IFT56: variants seen among roughly 807,000 people sequenced by gnomAD.
IFT56 encodes the protein intraflagellar transport 56, also known as intraflagellar transport protein 56.
At chr7:139,165,378 G>T in the IFT56 span, 1 of 573,986 alleles carries the variant, frequency 1.7e-6, no homozygotes, top group South Asian at 2.5e-5. Flanking sequence ...GTTTATTGGT[G>T]GTTATTTGTT....
chr7:139,180,243 A>G, the IFT56 span, among the ~76,000 whole-genome samples: 6 of 152,188 alleles, frequency 3.9e-5, no homozygotes, highest in Non-Finnish European at 8.8e-5. Context: ...AGGCTGAGAT[A>G]GGAAAATGGC....
At chr7:139,189,655 G>A in the IFT56 span, 12 of 329,784 alleles carry the variant, frequency 3.6e-5, no homozygotes, top group Non-Finnish European at 5.6e-5. Flanking sequence ...ATAAGATTTT[G>A]GACTTATCTG....
the IFT56 span, chr7:139,133,842 C>A: frequency 6.2e-7 from 1 of 1,614,228 alleles, no homozygotes; most frequent in Non-Finnish European, 8.5e-7. Context: ...TGGGGACTCA[C>A]AAGACCGACG....
the IFT56 span, among the ~76,000 whole-genome samples, chr7:139,138,783 A>G: frequency 6.6e-6 from 1 of 151,406 alleles, no homozygotes; most frequent in Non-Finnish European, 1.5e-5. Context: ...CCCATCTACA[A>G]TAATTAATCA....
the IFT56 span, among the ~76,000 whole-genome samples, chr7:139,142,505 T>C: frequency 6.6e-6 from 1 of 151,938 alleles, no homozygotes; most frequent in Non-Finnish European, 1.5e-5. Flanking sequence ...TTCAGAGATG[T>C]TAGGTTTTAT....
chr7:139,159,207 C>A, the IFT56 span, among the ~76,000 whole-genome samples: 1 of 152,084 alleles, frequency 6.6e-6, no homozygotes, highest in African/African-American at 2.4e-5. Context: ...TTTGGTAGAA[C>A]TTATTGACAA....
At chr7:139,174,107 T>C in the IFT56 span, 1 of 597,220 alleles carries the variant, frequency 1.7e-6, no homozygotes, top group African/African-American at 1.9e-5. Context: ...ACAGCTTTTC[T>C]TGCCAATTGA....
chr7:139,173,036 G>A, the IFT56 span: 3 of 732,002 alleles, frequency 4.1e-6, no homozygotes, highest in African/African-American at 1.7e-5. Flanking sequence ...GACCACCTCA[G>A]AGACTGCAAT....
At chr7:139,163,534 G>A in the IFT56 span, among the ~76,000 whole-genome samples, 1 of 152,110 alleles carries the variant, frequency 6.6e-6, no homozygotes, top group Non-Finnish European at 1.5e-5. Context: ...CCAATGTTTT[G>A]AGAGGTTAAG....
chr7:139,170,181 C>G, the IFT56 span, among the ~76,000 whole-genome samples: 9 of 152,142 alleles, frequency 5.9e-5, no homozygotes, highest in African/African-American at 1.7e-4. Context: ...AAAACCTGAG[C>G]AAACCAATAA....
the IFT56 span, chr7:139,178,385 C>A: frequency 6.9e-7 from 1 of 1,440,878 alleles, no homozygotes; most frequent in Non-Finnish European, 9.7e-7. Flanking sequence ...TTAGAGATGG[C>A]CCATTTTCTG....
chr7:139,142,222 G>A, the IFT56 span: 2 of 1,612,652 alleles, frequency 1.2e-6, no homozygotes, highest in Non-Finnish European at 1.7e-6. Flanking sequence ...AGACTGTTGA[G>A]TTCTTTAATA....
At chr7:139,178,312 G>T in the IFT56 span, 1 of 1,603,132 alleles carries the variant, frequency 6.2e-7, no homozygotes, top group Non-Finnish European at 8.5e-7. Context: ...GGTCAGTATA[G>T]AATTATCTAT....
chr7:139,161,622 G>T, the IFT56 span, among the ~76,000 whole-genome samples: 1 of 152,158 alleles, frequency 6.6e-6, no homozygotes, highest in Non-Finnish European at 1.5e-5. Flanking sequence ...TCCAGAAGTG[G>T]CAATAATAAT....
chr7:139,169,269 C>T, the IFT56 span: 2 of 1,609,058 alleles, frequency 1.2e-6, no homozygotes, highest in Non-Finnish European at 1.7e-6. Context: ...TCCTCTATAT[C>T]AGCTCAGTTT....
the IFT56 span, among the ~76,000 whole-genome samples, chr7:139,183,213 A>C: frequency 1.3e-5 from 2 of 150,904 alleles, no homozygotes; most frequent in African/African-American, 4.8e-5. Flanking sequence ...TTAACATCAA[A>C]GGAAGATAAC....
chr7:139,157,663 C>T, the IFT56 span, among the ~76,000 whole-genome samples: 1 of 151,744 alleles, frequency 6.6e-6, no homozygotes, highest in Non-Finnish European at 1.5e-5. Context: ...GCCACTGTGT[C>T]CAACTAATTT....
chr7:139,176,973 A>G, the IFT56 span, among the ~76,000 whole-genome samples: 4 of 151,960 alleles, frequency 2.6e-5, no homozygotes, highest in African/African-American at 7.3e-5. Flanking sequence ...GGAGATCGAG[A>G]CCAGTCTGGC....
chr7:139,169,970 C>T, the IFT56 span, among the ~76,000 whole-genome samples: 1 of 152,154 alleles, frequency 6.6e-6, no homozygotes, highest in Middle Eastern at 3.2e-3. Context: ...GCCATGATTA[C>T]ACCACTGCAT....
Sources: gnomAD v4.1 joint callset for allele counts (sites outside exome capture counted in the v4.1 genomes callset) on GRCh38, gnomAD v4.1.1 for gene constraint, MANE v1.5 for transcripts, NCBI Gene and HGNC (gene_info 2026-07-23, HGNC 2026-07-21) for gene names.